PCDHGA1: variants seen among roughly 807,000 people sequenced by gnomAD.
PCDHGA1 encodes protocadherin gamma subfamily A, 1, also known as protocadherin gamma-A1.
PCDHGA1 carries 32 observed loss-of-function variants against 58.0 expected under a neutral mutation model. That is an observed-to-expected ratio of 0.55 (90% CI 0.42 to 0.74). The LOEUF (loss-of-function observed/expected upper bound fraction) is 0.74. PCDHGA1 is among the 30% of genes least tolerant of loss of function. PCDHGA1 has a pLI of 0.00. For missense variants in PCDHGA1, 1,205 were observed against 1,182.3 expected, an observed-to-expected ratio of 1.02 and a Z score of -0.28; for synonymous variants, 498 against 501.1, an observed-to-expected ratio of 0.99 and a Z score of 0.08.
chr5:141,390,164 G>A (rs370376667), intron 1 of PCDHGA1: 200 of 1,613,888 alleles, frequency 1.2e-4, no homozygotes, highest in Non-Finnish European at 1.6e-4. Context: ...CAGGAAAGAC[G>A]GAGTTTAATT....
chr5:141,398,753 G>A (rs141932976), intron 1 of PCDHGA1: 3 of 1,613,452 alleles, frequency 1.9e-6, no homozygotes, highest in East Asian at 2.2e-5. Flanking sequence ...AGTTACCATC[G>A]TTTAGTCCTG....
At chr5:141,360,227 T>C in intron 1 of PCDHGA1, 1 of 1,613,788 alleles carries the variant, frequency 6.2e-7, no homozygotes, top group Non-Finnish European at 8.5e-7. Context: ...GCTCTCCCAG[T>C]CCAGATCCGC....
chr5:141,422,397 C>T (rs753017439), intron 1 of PCDHGA1: 4 of 1,597,606 alleles, frequency 2.5e-6, no homozygotes, highest in East Asian at 4.5e-5. Context: ...TTCCTAACCA[C>T]CTGCCTTTTA....
In PCDHGA1 at chr5:141,388,498, A is replaced by G. The variant is rs1025242684; in HGVS notation, c.2421+55393A>G. The G allele has an allele frequency of 9.9e-6, 16 of 1,613,748 alleles. No homozygotes were observed. Among genetic ancestry groups the G allele is most frequent in the Admixed American group, 1.7e-5 (1 of 60,004 alleles). ...AAGACACCTTTGGACAGAGAAAAGCAGAAATCCTACCACTTGACTTTGACT... is the reference window on the plus strand; with the variant it reads ...AAGACACCTTTGGACAGAGAAAAGCGGAAATCCTACCACTTGACTTTGACT... On this transcript the variant is annotated intron_variant, in intron 1 of 3. Transcript: ENST00000517417.
At chr5:141,415,650 A>G in intron 1 of PCDHGA1, 1 of 1,597,054 alleles carries the variant, frequency 6.3e-7, no homozygotes, top group Non-Finnish European at 8.5e-7. Context: ...TTAAAAAAAA[A>G]AAGATTGGTT....
At position 141,432,374 on chromosome 5, in the gene PCDHGA1, C is replaced by G; in HGVS notation, c.2422-62433C>G. The G allele has an allele frequency of 6.2e-7, 1 of 1,614,240 alleles. No individual in the cohort carries two copies. The highest frequency in any genetic ancestry group is 1.1e-5 in the South Asian group (1 of 91,082). ...GAAAGTGATGGCGCGGGACAACGGG[C>G]ACCCGCCCCTCAGCAGCAACGTGTC... On this transcript the variant is annotated intron_variant, in intron 1 of 3. Transcript: ENST00000517417. The surrounding 1 kb of genome is among the most constrained non-coding windows in gnomAD (Gnocchi z 6.0).
intron 1 of PCDHGA1, chr5:141,478,196 C>T: frequency 6.2e-7 from 1 of 1,614,068 alleles, no homozygotes; most frequent in Middle Eastern, 1.6e-4. Context: ...CACCTTTTAT[C>T]TACTTCTTTC....
At chr5:141,348,853 A>G (rs1758193469) in intron 1 of PCDHGA1, among the ~76,000 whole-genome samples, 1 of 152,130 alleles carries the variant, frequency 6.6e-6, no homozygotes, top group Non-Finnish European at 1.5e-5. Flanking sequence ...AGCACTGCAA[A>G]ATAGTAGAAT....
In PCDHGA1 at chr5:141,360,143, C is replaced by T. The variant is rs763145950; in HGVS notation, c.2421+27038C>T. 5 of 1,594,764 alleles carry T rather than the reference C, an allele frequency of 3.1e-6. No homozygotes were observed. In the African/African-American group the frequency reaches 5.4e-5, roughly 17 times the overall value. On this transcript the variant is annotated intron_variant, in intron 1 of 3. Transcript: ENST00000517417. ...AGCAAAGGGAGCCAGAAGATGAAAG[C>T]GAGCTCAGGGAGGTGCGGGCTGGTG...
intron 1 of PCDHGA1, chr5:141,364,295 A>G: frequency 6.6e-7 from 1 of 1,520,404 alleles, no homozygotes; most frequent in South Asian, 1.3e-5. Context: ...AGCAGGCTGA[A>G]CCAGAACTAA....
At chr5:141,361,029 A>G (rs1433504702) in intron 1 of PCDHGA1, 2 of 1,613,256 alleles carry the variant, frequency 1.2e-6, no homozygotes, top group Non-Finnish European at 1.7e-6. Context: ...ATGAAAAAAC[A>G]GGAGAAATCA....
Position 141,400,535 on chromosome 5 carries a change from T to C in PCDHGA1, c.2421+67430T>C, listed in dbSNP as rs753705723. 2.5e-6 allele frequency: 4 copies of C among 1,613,958 alleles called. No individual in the cohort carries two copies. In the South Asian group the frequency reaches 4.4e-5, roughly 18 times the overall value. ...TCCCATCCTGAGTTGGTGAGTTTCATTTATGTCTATTCTTTTTCATTACCC... is the reference window on the plus strand; with the variant it reads ...TCCCATCCTGAGTTGGTGAGTTTCACTTATGTCTATTCTTTTTCATTACCC... On this transcript the variant is annotated intron_variant, in intron 1 of 3. Transcript: ENST00000517417.
rs959855220 is a variant in PCDHGA1, at chr5:141,476,280, G to A, written c.2422-18527G>A. 4 of 1,614,010 alleles carry A rather than the reference G, an allele frequency of 2.5e-6. No individual in the cohort carries two copies. In the African/African-American group the frequency reaches 5.3e-5, roughly 22 times the overall value. On this transcript the variant is annotated intron_variant, in intron 1 of 3. Transcript: ENST00000517417. This position sits in a 1 kb window ranked among gnomAD's most constrained non-coding sequence, Gnocchi z 7.6. ...GTGGGCAACGTGGTCGCGAACCTTG[G>A]TTTGGATCTCGGTAGCCTCTCAGCC...
At chr5:141,393,730 G>A in intron 1 of PCDHGA1, 1 of 1,613,842 alleles carries the variant, frequency 6.2e-7, no homozygotes, top group Non-Finnish European at 8.5e-7. Context: ...ATAGCAAAAA[G>A]TCTAGATTAT....
intron 1 of PCDHGA1, chr5:141,350,536 T>C: frequency 6.2e-7 from 1 of 1,613,990 alleles, no homozygotes; most frequent in Non-Finnish European, 8.5e-7. Context: ...GAGAGAAGAT[T>C]TGCGGAAGGA....
At chr5:141,484,501 A>G (rs1185523120) in intron 1 of PCDHGA1, among the ~76,000 whole-genome samples, 2 of 152,232 alleles carry the variant, frequency 1.3e-5, no homozygotes, top group African/African-American at 4.8e-5. Flanking sequence ...GTTTCTGAAT[A>G]TTCTGCAGAA....
At chr5:141,471,215 A>G (rs1562030197) in intron 1 of PCDHGA1, 1 of 149,038 alleles carries the variant, frequency 6.7e-6, no homozygotes, top group Non-Finnish European at 1.5e-5. Context: ...ATGCCTGGCA[A>G]TTTTTTTGTA....
chr5:141,388,256 G>T, intron 1 of PCDHGA1: 1 of 1,611,074 alleles, frequency 6.2e-7, no homozygotes, highest in Non-Finnish European at 8.5e-7. Flanking sequence ...TGGAGATCGA[G>T]GACATTAATG....
intron 1 of PCDHGA1, among the ~76,000 whole-genome samples, chr5:141,336,813 T>C (rs1032655183): frequency 7.2e-5 from 11 of 152,276 alleles, no homozygotes; most frequent in Middle Eastern, 3.4e-3. Context: ...TTAAAAACTA[T>C]ATGCAGCAAA....
Sources: gnomAD v4.1 joint callset for allele counts (sites outside exome capture counted in the v4.1 genomes callset) on GRCh38, gnomAD v4.1.1 for gene constraint, Gnocchi (gnomAD v3.1) non-coding constraint, MANE v1.5 for transcripts, NCBI Gene and HGNC (gene_info 2026-07-23, HGNC 2026-07-21) for gene names.